TMEM67: variants seen among roughly 807,000 people sequenced by gnomAD.
TMEM67 encodes the protein transmembrane protein 67.
TMEM67 carries 124 observed loss-of-function variants against 136.6 expected under a neutral mutation model. That is an observed-to-expected ratio of 0.91 (90% CI 0.78 to 1.05). The LOEUF is 1.05. TMEM67 is among the 50% of genes least tolerant of loss of function. The pLI is 0.00. For synonymous variants in TMEM67, 364 were observed against 390.5 expected, an observed-to-expected ratio of 0.93 and a Z score of 0.80; for missense variants, 1,107 against 1,178.4, an observed-to-expected ratio of 0.94 and a Z score of 0.89.
intron 21 of TMEM67, among the ~76,000 whole-genome samples, chr8:93,800,349 T>C (rs975682237): frequency 6.6e-6 from 1 of 152,184 alleles, no homozygotes; most frequent in African/African-American, 2.4e-5. Flanking sequence ...ACTGTTTGAC[T>C]GAACTCATTG....
the TMEM67 span, among the ~76,000 whole-genome samples, chr8:93,830,439 C>T: frequency 2.6e-5 from 4 of 152,204 alleles, no homozygotes; most frequent in African/African-American, 9.6e-5. Context: ...TCTGTCAGAA[C>T]TTCTGGAGGC....
intron 15 of TMEM67, among the ~76,000 whole-genome samples, chr8:93,792,985 A>G (rs945915057): frequency 2.6e-5 from 4 of 151,334 alleles, no homozygotes; most frequent in African/African-American, 9.7e-5. Context: ...GTTAGCCAGG[A>G]TGGTCTTGAT....
At chr8:93,810,669 A>G (rs1387687398) in intron 26 of TMEM67, among the ~76,000 whole-genome samples, 1 of 152,208 alleles carries the variant, frequency 6.6e-6, no homozygotes, top group Non-Finnish European at 1.5e-5. Context: ...CTATTTTATT[A>G]TGTCGTGTAG....
chr8:93,755,693 C>A, intron 1 of TMEM67, 85 bp from the exon 2 acceptor site: 1 of 885,250 alleles, frequency 1.1e-6, no homozygotes, highest in Non-Finnish European at 1.7e-6. Flanking sequence ...GATCTTCAGA[C>A]TTATTAAAAG....
At chr8:93,823,003 A>G (rs1263058085), downstream of TMEM67, among the ~76,000 whole-genome samples, 1 of 152,242 alleles carries the variant, frequency 6.6e-6, no homozygotes, top group African/African-American at 2.4e-5. Context: ...GGTAGATAAG[A>G]CATTGCCTCT....
At chr8:93,769,745 C>G (rs962788117) in intron 6 of TMEM67, 1 of 163,050 alleles carries the variant, frequency 6.1e-6, no homozygotes, top group African/African-American at 2.4e-5. Context: ...AGTAATTAAA[C>G]TTAGACGAGA....
chr8:93,792,825 C>T (rs1814441590), intron 15 of TMEM67, among the ~76,000 whole-genome samples: 1 of 146,400 alleles, frequency 6.8e-6, no homozygotes, highest in Non-Finnish European at 1.5e-5. Flanking sequence ...GGCTGGAGTG[C>T]AGTGGCGCGA....
chr8:93,815,272 T>G, intron 26 of TMEM67, 33 bp from the exon 27 acceptor site: 9 of 1,427,128 alleles, frequency 6.3e-6, no homozygotes, highest in Non-Finnish European at 8.5e-6. Context: ...TTTTTTAAAT[T>G]TCTAATTTAT....
Position 93,782,379 on chromosome 8 carries a change from T to C in TMEM67, c.1066-16T>C, listed in dbSNP as rs759040072. 1.9e-5 allele frequency: 30 copies of C among 1,600,998 alleles called. No individual in the cohort carries two copies. In the Admixed American group the frequency reaches 2.8e-4, roughly 15 times the overall value. ...AAACATTTGTGAGATTTATCTGTTG[T>C]ATTATTTTGCTGCAGCTTTGTCCAG... On this transcript the variant is annotated splice_polypyrimidine_tract_variant and intron_variant, in intron 10 of 27. Coordinates refer to ENST00000453321, the MANE Select transcript of TMEM67 (RefSeq NM_153704.6).
chr8:93,830,827 T>C, the TMEM67 span, among the ~76,000 whole-genome samples: 1 of 152,242 alleles, frequency 6.6e-6, no homozygotes, highest in African/African-American at 2.4e-5. Flanking sequence ...CTCTCCCTGG[T>C]AGGAATTCTT....
chr8:93,763,571 G>A (rs1038180846), intron 3 of TMEM67, among the ~76,000 whole-genome samples: 4 of 152,128 alleles, frequency 2.6e-5, no homozygotes, highest in African/African-American at 9.7e-5. Flanking sequence ...TAATTGTTAC[G>A]ATGACTTGGA....
At chr8:93,772,502 G>A (rs1382783953) in intron 6 of TMEM67, 87 bp from the exon 7 acceptor site, 4 of 961,670 alleles carry the variant, frequency 4.2e-6, no homozygotes, top group Admixed American at 1.9e-5. Context: ...CTAACATTGT[G>A]AAAGTAATGT....
rs1376394849 is a variant in TMEM67 at position 93,755,002 on chromosome 8, C to A, written c.88C>A (p.Leu30Ile). 1 of 1,614,230 alleles carries A rather than the reference C, an allele frequency of 6.2e-7. No individual in the cohort carries two copies. The change falls in exon 1 of 28, where the codon CTC (leucine) becomes ATC (isoleucine). Residue 30 changes from leucine to isoleucine, a missense_variant. By Grantham distance (5) the Leu-to-Ile change is conservative. Around this residue, in one of 3 missense-constraint regions of TMEM67, gnomAD observed 178 missense variants for 159.2 expected, o/e 1.12. Coordinates refer to ENST00000453321, the MANE Select transcript of TMEM67 (RefSeq NM_153704.6). ...CGTGACCGCGTTCCTTCTGTTGTTC[C>A]TCCCTCGCTTCTTACAGGCCCAGAC... ...RAVTAFLLLF[L>I]PRFLQAQTFS...
chr8:93,830,018 A>G, the TMEM67 span, among the ~76,000 whole-genome samples: 3 of 152,200 alleles, frequency 2.0e-5, no homozygotes, highest in Admixed American at 6.5e-5. Flanking sequence ...GTCCTGCCCT[A>G]TAACCTGGAG....
chr8:93,763,834 C>T lies in TMEM67; in HGVS notation c.407-8C>T, dbSNP rs778605297. On this transcript the variant is annotated splice_region_variant and splice_polypyrimidine_tract_variant and intron_variant, in intron 3 of 27. Transcript: ENST00000453321. ...GTTACATCTTTATTTTGTTTCTAAACTGTTCAGTGGAAAGAGACATTAATG... is the reference window on the plus strand; with the variant it reads ...GTTACATCTTTATTTTGTTTCTAAATTGTTCAGTGGAAAGAGACATTAATG... The T allele has an allele frequency of 3.5e-5, 56 of 1,596,338 alleles. No homozygotes were observed. The highest frequency in any genetic ancestry group is 4.6e-5 in the Non-Finnish European group (54 of 1,164,232).
chr8:93,806,254 A>T (rs781047615), intron 23 of TMEM67, among the ~76,000 whole-genome samples: 16 of 152,204 alleles, frequency 1.1e-4, no homozygotes, highest in Non-Finnish European at 2.1e-4. Flanking sequence ...CTTTATTTGG[A>T]TCCTGATTCA....
rs370385727 is a variant in TMEM67 at position 93,793,972 on chromosome 8, A to G, written c.1674+676A>G. 1.9e-4 allele frequency among the ~76,000 whole-genome samples: 29 copies of G among 152,032 alleles called. No homozygotes were observed. The East Asian group carries it at 3.9e-3, about 20-fold the overall frequency. ...GAGGCACAATCTTGGTTCACTTGCA[A>G]CCTCTGCCTCCCGGGTTCAAGCAAT... is the stretch of plus-strand genomic sequence containing the variant. On this transcript the variant is annotated intron_variant, in intron 16 of 27. Coordinates refer to ENST00000453321, the MANE Select transcript of TMEM67 (RefSeq NM_153704.6).
chr8:93,764,952 A>G (rs2130582795), intron 4 of TMEM67, among the ~76,000 whole-genome samples: 1 of 152,338 alleles, frequency 6.6e-6, no homozygotes, highest in East Asian at 1.9e-4. Context: ...TGGTAAATAG[A>G]ATTTATTTAA....
rs766530505 is a variant in TMEM67, at chr8:93,809,870, A to G, written c.2747A>G (p.Lys916Arg). The change falls in exon 26 of 28, where the codon AAA becomes AGA. Residue 916 changes from lysine to arginine, a missense_variant. Transcript: ENST00000453321. ...ATGGAATTCATGGAACCAATGGAAA[A>G]AAGCATCTTTTACAATGGTATCTTC... ...LGMEFMEPMEKSIFYNDEGYS... is the reference protein window; with the variant it reads ...LGMEFMEPMERSIFYNDEGYS... 2 of 1,606,136 alleles carry G rather than the reference A, an allele frequency of 1.2e-6. No individual in the cohort carries two copies. Among genetic ancestry groups the G allele is most frequent in the Non-Finnish European group, 1.7e-6 (2 of 1,173,220 alleles).
Sources: gnomAD v4.1 joint callset for allele counts (sites outside exome capture counted in the v4.1 genomes callset) on GRCh38, gnomAD v4.1.1 for gene constraint, gnomAD v4.1.1 regional missense constraint, MANE v1.5 for transcripts, NCBI Gene and HGNC (gene_info 2026-07-23, HGNC 2026-07-21) for gene names.